The following SSR3 variants were observed in gnomAD, a reference collection of about 807,000 sequenced individuals.
SSR3 encodes the protein translocon-associated protein subunit gamma.
SSR3 carries 10 observed loss-of-function variants against 22.1 expected under a neutral mutation model. That is an observed-to-expected ratio of 0.45 (90% CI 0.28 to 0.77). SSR3 has a LOEUF of 0.77. Ranked by LOEUF, SSR3 falls within the 30% of genes least tolerant of loss-of-function variation. The pLI, the probability that SSR3 is intolerant of heterozygous loss-of-function variation, is 0.13. For synonymous variants in SSR3, 104 were observed against 82.5 expected (o/e 1.26, Z -1.42); for missense variants, 181 against 220.5 (o/e 0.82, Z 1.13).
At chr3:156,546,684 G>T (rs189513885) in intron 3 of SSR3, among the ~76,000 whole-genome samples, 1 of 152,304 alleles carries the variant, frequency 6.6e-6, no homozygotes, top group African/African-American at 2.4e-5. Flanking sequence ...CGTGGTTTGG[G>T]AGAGCACTTC....
intron 4 of SSR3, 111 bp downstream of exon 4, chr3:156,544,197 C>A (rs1719675428): frequency 1.1e-6 from 1 of 944,706 alleles, no homozygotes; most frequent in South Asian, 2.9e-5. Flanking sequence ...ATTTAATGGA[C>A]TGACTCCCAG....
intron 2 of SSR3, among the ~76,000 whole-genome samples, chr3:156,550,279 A>AGGT (rs1719904716): frequency 2.0e-5 from 3 of 152,358 alleles, no homozygotes; most frequent in African/African-American, 7.2e-5. Context: ...CCAACTATCA[A>AGGT]GTTGTTAGCA....
intron 1 of SSR3, 46 bp downstream of exon 1, chr3:156,554,911 C>A (rs1191607046): frequency 6.3e-7 from 1 of 1,588,722 alleles, no homozygotes; most frequent in South Asian, 1.1e-5. Flanking sequence ...CCGCCCAGCC[C>A]GACTAGCCGG....
At chr3:156,547,041 C>A (rs1322140324) in intron 3 of SSR3, among the ~76,000 whole-genome samples, 4 of 152,120 alleles carry the variant, frequency 2.6e-5, no homozygotes, top group Non-Finnish European at 4.4e-5. Context: ...AGGCTCTGGT[C>A]CCAGTTATCA....
intron 2 of SSR3, among the ~76,000 whole-genome samples, chr3:156,551,123 A>G (rs1471769987): frequency 6.6e-6 from 1 of 152,178 alleles, no homozygotes; most frequent in East Asian, 1.9e-4. Context: ...ATTTAATATA[A>G]AGCCAAAACT....
chr3:156,554,832 G>T (rs934048700), intron 1 of SSR3, 125 bp downstream of exon 1: 29 of 1,296,226 alleles, frequency 2.2e-5, no homozygotes, highest in South Asian at 1.1e-4. Flanking sequence ...GAGCTCAGGG[G>T]AGCTGGAGAG....
intron 2 of SSR3, among the ~76,000 whole-genome samples, chr3:156,552,165 G>C (rs976218688): frequency 6.6e-6 from 1 of 152,042 alleles, no homozygotes; most frequent in Non-Finnish European, 1.5e-5. Flanking sequence ...GCCAGGCGTG[G>C]TAGTAGTGCG....
chr3:156,544,990 G>C (rs1719710682), intron 3 of SSR3, among the ~76,000 whole-genome samples: 1 of 152,158 alleles, frequency 6.6e-6, no homozygotes, highest in African/African-American at 2.4e-5. Flanking sequence ...ACTTTTTAAT[G>C]CCTGTAAAAT....
chr3:156,543,352 G>A (rs957055707), intron 4 of SSR3, 83 bp from the exon 5 acceptor site: 2 of 995,754 alleles, frequency 2.0e-6, no homozygotes, highest in East Asian at 2.6e-5. Flanking sequence ...TCTTTGGAAT[G>A]TACTGCTTCC....
intron 4 of SSR3, chr3:156,544,051 T>C: frequency 2.6e-6 from 1 of 388,836 alleles, no homozygotes; most frequent in Non-Finnish European, 4.5e-6. Context: ...AGCTTTTTTT[T>C]AAGGAGGCAA....
chr3:156,554,896 C>A (rs1720095150), intron 1 of SSR3, 61 bp downstream of exon 1: 1 of 1,565,342 alleles, frequency 6.4e-7, no homozygotes. Context: ...GGTCCTGCCA[C>A]GTCCCCGCCC....
Position 156,543,003 on chromosome 3 carries a change from G to A in SSR3, c.*200C>T. The A allele has an allele frequency of 2.1e-6, 1 of 486,922 alleles. No individual in the cohort carries two copies. 30.2% of individuals were successfully genotyped at this position (486,922 alleles called of 1,614,324 possible). On this transcript the variant is annotated 3_prime_UTR_variant, in exon 5 of 5. Coordinates refer to ENST00000265044, the MANE Select transcript of SSR3 (RefSeq NM_007107.5). ...TTTAATAAACGTCCTAGTACTCTGA[G>A]TTTCCCTTTCAATTCATTTAATTTC...
chr3:156,544,607 G>GAA (rs35584247), intron 3 of SSR3, among the ~76,000 whole-genome samples, 168 bp from the exon 4 acceptor site: 3 of 151,796 alleles, frequency 2.0e-5, no homozygotes, highest in African/African-American at 7.3e-5. Context: ...TTCTTCCACT[G>GAA]AAAAAAAATA....
chr3:156,545,755 T>C (rs760985109), intron 3 of SSR3, among the ~76,000 whole-genome samples: 1 of 152,226 alleles, frequency 6.6e-6, no homozygotes, highest in Non-Finnish European at 1.5e-5. Flanking sequence ...AGCCATCAAC[T>C]ATAAAACACC....
chr3:156,544,574 A>T (rs1251613505), intron 3 of SSR3, 135 bp from the exon 4 acceptor site: 1 of 615,864 alleles, frequency 1.6e-6, no homozygotes, highest in East Asian at 3.4e-5. Context: ...TTGTAATATT[A>T]GATTTAGTCA....
chr3:156,555,110 C>T lies in SSR3; in HGVS notation c.-21G>A. 1 of 1,611,308 alleles carries T rather than the reference C, an allele frequency of 6.2e-7. No homozygotes were observed. Among genetic ancestry groups the T allele is most frequent in the South Asian group, 1.1e-5 (1 of 91,052 alleles). On this transcript the variant is annotated 5_prime_UTR_variant, in exon 1 of 5. Transcript: ENST00000265044. Reference sequence around the variant, plus strand: ...GCCATGGCGGAGCTGCAGGCGAGAACAGGGAACGTAGAGCCGGCCGCCAAG... The same window carrying T: ...GCCATGGCGGAGCTGCAGGCGAGAATAGGGAACGTAGAGCCGGCCGCCAAG...
Position 156,546,193 on chromosome 3 carries a change from C to T in SSR3, c.360-1754G>A, listed in dbSNP as rs116084895. ...GGTGTGGTTTCCCCCATGCCACTCT[C>T]GTGACAGTGAGGGAGTTGTCACAAA... On this transcript the variant is annotated intron_variant, in intron 3 of 4. Coordinates refer to ENST00000265044, the MANE Select transcript of SSR3 (RefSeq NM_007107.5). Among the ~76,000 whole-genome samples the T allele has an allele frequency of 5.6e-4, 86 of 152,302 alleles. 1 individual carries two copies. The highest frequency in any genetic ancestry group is 1.7e-3 in the African/African-American group (71 of 41,562).
intron 2 of SSR3, among the ~76,000 whole-genome samples, chr3:156,551,219 T>C (rs753342381): frequency 6.6e-6 from 1 of 152,108 alleles, no homozygotes; most frequent in African/African-American, 2.4e-5. Flanking sequence ...CCATTAACTG[T>C]TTTAAGGAGT....
intron 4 of SSR3, 58 bp downstream of exon 4, chr3:156,544,250 C>T: frequency 2.8e-6 from 4 of 1,424,510 alleles, no homozygotes; most frequent in Non-Finnish European, 3.7e-6. Flanking sequence ...AAGTCAAAAC[C>T]AAAATGAACT....
Sources: gnomAD v4.1 joint callset for allele counts (sites outside exome capture counted in the v4.1 genomes callset) on GRCh38, gnomAD v4.1.1 for gene constraint, MANE v1.5 for transcripts, NCBI Gene and HGNC (gene_info 2026-07-23, HGNC 2026-07-21) for gene names.